DYNC1I1: variants seen among roughly 807,000 people sequenced by gnomAD.
DYNC1I1 encodes dynein cytoplasmic 1 intermediate chain 1.
In DYNC1I1, 43 loss-of-function variants were observed where a neutral mutation model predicts 86.6. The observed-to-expected ratio is 0.50, with a 90% CI of 0.39 to 0.64. The LOEUF (loss-of-function observed/expected upper bound fraction) is 0.64. Among genes scored for constraint, DYNC1I1 ranks in the 30% least tolerant of loss-of-function variants. DYNC1I1 has a pLI of 0.00. For missense variants in DYNC1I1, 604 were observed against 788.8 expected (o/e 0.77, Z 2.81); for synonymous variants, 262 against 283.7 (o/e 0.92, Z 0.77).
chr7:95,907,438 C>T (rs1167280712), intron 6 of DYNC1I1, among the ~76,000 whole-genome samples: 1 of 152,136 alleles, frequency 6.6e-6, no homozygotes, highest in Non-Finnish European at 1.5e-5. Context: ...GTCAGCCTAA[C>T]CTCCTCTCAC....
chr7:95,914,746 G>A (rs983658816), intron 6 of DYNC1I1, among the ~76,000 whole-genome samples: 1 of 152,154 alleles, frequency 6.6e-6, no homozygotes, highest in African/African-American at 2.4e-5. Context: ...ATTAATTCAT[G>A]TTTTCCCTTA....
chr7:95,976,048 A>G (rs1793295763), intron 6 of DYNC1I1, among the ~76,000 whole-genome samples: 2 of 152,192 alleles, frequency 1.3e-5, no homozygotes, highest in African/African-American at 4.8e-5. Flanking sequence ...TAACTTTTAA[A>G]AGATTTATTT....
intron 6 of DYNC1I1, among the ~76,000 whole-genome samples, chr7:95,913,457 CG>C (rs1791390219): frequency 6.6e-6 from 1 of 152,100 alleles, no homozygotes; most frequent in Non-Finnish European, 1.5e-5. Context: ...AATTGAATCA[CG>C]GGGGCAGGTT....
intron 1 of DYNC1I1, among the ~76,000 whole-genome samples, chr7:95,787,385 G>A (rs1158472499): frequency 6.6e-6 from 1 of 152,108 alleles, no homozygotes; most frequent in Non-Finnish European, 1.5e-5. Flanking sequence ...GTCCAATTAT[G>A]TTAATACATT....
At chr7:96,037,759 G>T (rs1788902491) in intron 13 of DYNC1I1, among the ~76,000 whole-genome samples, 1 of 151,992 alleles carries the variant, frequency 6.6e-6, no homozygotes, top group South Asian at 2.1e-4. Context: ...GGTCCCTATG[G>T]CACACACCAC....
intron 5 of DYNC1I1, among the ~76,000 whole-genome samples, chr7:95,837,272 G>C (rs1306409579): frequency 5.3e-5 from 8 of 151,704 alleles, no homozygotes; most frequent in South Asian, 2.1e-4. Flanking sequence ...CTCCCAGTTA[G>C]GCTGCTCGGG....
chr7:95,946,351 G>A (rs1584188981), intron 6 of DYNC1I1, among the ~76,000 whole-genome samples: 2 of 152,018 alleles, frequency 1.3e-5, no homozygotes, highest in Non-Finnish European at 1.5e-5. Flanking sequence ...AAGACAAAAA[G>A]ATGTTCTTTC....
chr7:95,789,278 T>C lies in DYNC1I1; in HGVS notation c.-9-15443T>C, dbSNP rs144684188. ...AAAAGGAATATAAAGGTTGTGCTGATGGGGCAAATAGCAAATATCCAAATC... is the reference window on the plus strand; with the variant it reads ...AAAAGGAATATAAAGGTTGTGCTGACGGGGCAAATAGCAAATATCCAAATC... On this transcript the variant is annotated intron_variant, in intron 1 of 16. Coordinates refer to ENST00000447467, the MANE Select transcript of DYNC1I1 (RefSeq NM_001135556.2). Among the ~76,000 whole-genome samples the C allele has an allele frequency of 4.2e-3, 642 of 152,282 alleles. 1 individual carries two copies. Among genetic ancestry groups the C allele is most frequent in the Non-Finnish European group, 6.0e-3 (409 of 68,014 alleles).
At chr7:95,842,204 T>A (rs1789302835) in intron 5 of DYNC1I1, among the ~76,000 whole-genome samples, 1 of 152,118 alleles carries the variant, frequency 6.6e-6, no homozygotes. Context: ...AACGCCACAT[T>A]TGAGACAAAT....
chr7:95,947,790 G>A (rs1330515573), intron 6 of DYNC1I1, among the ~76,000 whole-genome samples: 1 of 152,170 alleles, frequency 6.6e-6, no homozygotes, highest in African/African-American at 2.4e-5. Context: ...GTTTGCCCTT[G>A]AGAGGAATAG....
At chr7:95,880,179 C>T (rs1043510179) in intron 6 of DYNC1I1, among the ~76,000 whole-genome samples, 2 of 152,090 alleles carry the variant, frequency 1.3e-5, no homozygotes, top group Admixed American at 6.5e-5. Flanking sequence ...TTCAAAACCC[C>T]GACACCTTGG....
intron 6 of DYNC1I1, among the ~76,000 whole-genome samples, chr7:95,940,813 T>C (rs1433597391): frequency 6.6e-6 from 1 of 152,260 alleles, no homozygotes; most frequent in Non-Finnish European, 1.5e-5. Flanking sequence ...AAAGTCATTC[T>C]CCGTCCAGCT....
At chr7:95,944,777 A>G (rs1237955549) in intron 6 of DYNC1I1, among the ~76,000 whole-genome samples, 3 of 151,556 alleles carry the variant, frequency 2.0e-5, no homozygotes, top group African/African-American at 7.3e-5. Flanking sequence ...GCAAGAACAA[A>G]AAACCAAATA....
At chr7:96,095,082 C>T (rs1790962438) in intron 16 of DYNC1I1, among the ~76,000 whole-genome samples, 1 of 152,094 alleles carries the variant, frequency 6.6e-6, no homozygotes, top group Non-Finnish European at 1.5e-5. Flanking sequence ...ACTATTACTC[C>T]CACCTCCATG....
In DYNC1I1 at chr7:95,835,525, C is replaced by G. The variant is rs983550095; in HGVS notation, c.374+7409C>G. Among the ~76,000 whole-genome samples, 402 of 151,444 alleles carry G rather than the reference C, an allele frequency of 2.7e-3. 2 individuals are homozygous for G. The highest frequency in any genetic ancestry group is 8.9e-3 in the African/African-American group (369 of 41,256). ...GAGCTGAGTTCAATTCCTGGGTACC[C>G]TTGTTGACTTTCTGTCTCATTGATC... On this transcript the variant is annotated intron_variant, in intron 5 of 16. Transcript: ENST00000447467.
chr7:95,792,906 G>T (rs1269975311), intron 1 of DYNC1I1, among the ~76,000 whole-genome samples: 1 of 152,066 alleles, frequency 6.6e-6, no homozygotes, highest in African/African-American at 2.4e-5. Flanking sequence ...AAACCACTTG[G>T]TATGCGCCAG....
intron 5 of DYNC1I1, among the ~76,000 whole-genome samples, chr7:95,860,324 C>T (rs1789843465): frequency 6.6e-6 from 1 of 152,072 alleles, no homozygotes; most frequent in African/African-American, 2.4e-5. Context: ...TGTATCCCAC[C>T]CACGTAAAAA....
In DYNC1I1 at chr7:96,097,950, A is replaced by T; in HGVS notation, c.*357A>T. On this transcript the variant is annotated 3_prime_UTR_variant, in exon 17 of 17. Coordinates refer to ENST00000447467, the MANE Select transcript of DYNC1I1 (RefSeq NM_001135556.2). ...GGCATAGTCCTATTAAATCCATATG[A>T]AGCCAGATATGATTGGGTGCAGATG... is the stretch of plus-strand genomic sequence containing the variant. 1 of 1,013,330 alleles carries T rather than the reference A, an allele frequency of 9.9e-7. No individual in the cohort carries two copies. Among genetic ancestry groups the T allele is most frequent in the Non-Finnish European group, 1.2e-6 (1 of 846,368 alleles). The allele number at this position is 1,013,330 out of a possible 1,614,324, so 62.8% of individuals were successfully genotyped here.
chr7:96,080,413 T>A lies in DYNC1I1; in HGVS notation c.1701T>A (p.Val567=). 1.2e-6 allele frequency: 2 copies of A among 1,614,134 alleles called. No individual in the cohort carries two copies. The highest frequency in any genetic ancestry group is 4.5e-5 in the East Asian group (2 of 44,878). ...AGGGGGCATCCGCCCTAAACCGTGT[T>A]CGTTGGGCCCAAGCTGGCAAAGAAG... ...AIEGASALNR[V]RWAQAGKEVA... Residue 567 remains valine (V), a synonymous_variant, in exon 16 of 17, where the codon GTT becomes GTA. Coordinates refer to ENST00000447467, the MANE Select transcript of DYNC1I1 (RefSeq NM_001135556.2).
Sources: gnomAD v4.1 joint callset for allele counts (sites outside exome capture counted in the v4.1 genomes callset) on GRCh38, gnomAD v4.1.1 for gene constraint, MANE v1.5 for transcripts, NCBI Gene and HGNC (gene_info 2026-07-23, HGNC 2026-07-21) for gene names.